RAPGEF1: variants seen among roughly 807,000 people sequenced by gnomAD.
The protein encoded by RAPGEF1 is Rap guanine nucleotide exchange factor 1.
Under a neutral mutation model 143.3 loss-of-function variants are expected in RAPGEF1, and 33 were observed. The ratio of observed to expected loss-of-function variants is 0.23; its 90% CI spans 0.17 to 0.31. The LOEUF (loss-of-function observed/expected upper bound fraction) is 0.31, where lower values mean the gene tolerates loss of function less well. RAPGEF1 is among the 10% of genes least tolerant of loss of function. The pLI is 1.00. For missense variants in RAPGEF1, 1,199 were observed against 1,645.4 expected (o/e 0.73, Z 4.69); for synonymous variants, 629 against 676.5 (o/e 0.93, Z 1.09).
At position 131,607,657 on chromosome 9, in the gene RAPGEF1, G is replaced by T. The variant is rs150340018; in HGVS notation, c.2062-2469C>A. Among the ~76,000 whole-genome samples, 5 of 152,220 alleles carry T rather than the reference G, an allele frequency of 3.3e-5. No individual in the cohort carries two copies. The East Asian group carries it at 9.7e-4, about 29-fold the overall frequency. On this transcript the variant is annotated intron_variant, in intron 12 of 26. Transcript: ENST00000683357. Reference sequence around the variant, plus strand: ...CAATCTTTTGTAGCCCCAATTCTCAGATCTGCCAGATGTTCATTCCCAATG... The same window carrying T: ...CAATCTTTTGTAGCCCCAATTCTCATATCTGCCAGATGTTCATTCCCAATG...
At chr9:131,734,354 T>C (rs1418084557) in intron 1 of RAPGEF1, among the ~76,000 whole-genome samples, 4 of 152,116 alleles carry the variant, frequency 2.6e-5, no homozygotes, top group Non-Finnish European at 4.4e-5. Context: ...GAGGATGAAA[T>C]GAAATGAGGT....
chr9:131,659,827 C>CTT (rs11388798), intron 1 of RAPGEF1, among the ~76,000 whole-genome samples: 1 of 149,336 alleles, frequency 6.7e-6, no homozygotes, highest in East Asian at 1.9e-4. Context: ...TTATATTTTT[C>CTT]TTTTTTTTTG....
rs1050150509 is a variant in RAPGEF1, at chr9:131,696,703, C to T, written c.61+43067G>A. ...AACAGAAAGATAATAATCAACAGTT[C>T]CTTGTCCATAAGTAGGTGTCTGATA... On this transcript the variant is annotated intron_variant, in intron 1 of 26. Transcript: ENST00000683357. 7.9e-5 allele frequency among the ~76,000 whole-genome samples: 12 copies of T among 152,330 alleles called. 1 individual carries two copies. Among genetic ancestry groups the T allele is most frequent in the African/African-American group, 2.4e-4 (10 of 41,570 alleles).
Position 131,629,203 on chromosome 9 carries a change from C to T in RAPGEF1, c.792G>A (p.Thr264=), listed in dbSNP as rs1305723385. 3.1e-6 allele frequency: 5 copies of T among 1,613,828 alleles called. No homozygotes were observed. The highest frequency in any genetic ancestry group is 1.3e-5 in the African/African-American group (1 of 74,912). Residue 264 remains threonine, a synonymous_variant, in exon 7 of 27, where the codon ACG becomes ACA. Coordinates refer to ENST00000683357, the MANE Select transcript of RAPGEF1 (RefSeq NM_001377935.1). The part of the protein sequence containing the change: ...TDREVEILNK[T]TGMSQSTELL... Reference sequence around the variant, plus strand: ...GCTCAGTTGACTGTGACATCCCAGTCGTCTTGTTTAGGATCTCTACCTCGC... The same window carrying T: ...GCTCAGTTGACTGTGACATCCCAGTTGTCTTGTTTAGGATCTCTACCTCGC...
chr9:131,711,616 C>T (rs1459915735), intron 1 of RAPGEF1, among the ~76,000 whole-genome samples: 2 of 152,250 alleles, frequency 1.3e-5, no homozygotes, highest in Non-Finnish European at 2.9e-5. Context: ...CCTCGGCCTC[C>T]CAAAGTGCTG....
chr9:131,633,256 G>C (rs1212367361), intron 5 of RAPGEF1, among the ~76,000 whole-genome samples: 6 of 152,220 alleles, frequency 3.9e-5, no homozygotes, highest in Non-Finnish European at 8.8e-5. Flanking sequence ...AGTGAAGAGA[G>C]CAGTTAGAAA....
intron 5 of RAPGEF1, 56 bp from the exon 6 acceptor site, chr9:131,630,380 C>T: frequency 3.2e-6 from 5 of 1,563,436 alleles, no homozygotes; most frequent in Non-Finnish European, 4.4e-6. Flanking sequence ...TGAGTTTCCA[C>T]CAGAAGGCAG....
intron 1 of RAPGEF1, among the ~76,000 whole-genome samples, chr9:131,653,383 C>T (rs1971603906): frequency 6.6e-6 from 1 of 152,156 alleles, no homozygotes; most frequent in Admixed American, 6.5e-5. Flanking sequence ...GGCTGCAGAA[C>T]CCACGGATAT....
At chr9:131,712,263 G>T (rs1421716344) in intron 1 of RAPGEF1, among the ~76,000 whole-genome samples, 1 of 152,200 alleles carries the variant, frequency 6.6e-6, no homozygotes, top group Non-Finnish European at 1.5e-5. Context: ...ACTAACAGTT[G>T]CACAGCAGAA....
intron 1 of RAPGEF1, among the ~76,000 whole-genome samples, chr9:131,702,326 C>T (rs148832121): frequency 8.5e-5 from 13 of 152,264 alleles, no homozygotes; most frequent in East Asian, 7.7e-4. Context: ...TAATTGGGTA[C>T]GCTTAAATAA....
chr9:131,674,735 T>A (rs746363798), intron 1 of RAPGEF1, among the ~76,000 whole-genome samples: 20 of 152,084 alleles, frequency 1.3e-4, no homozygotes, highest in Non-Finnish European at 2.5e-4. Context: ...TGAAGAGGGA[T>A]CCCTAGAAGG....
At chr9:131,582,843 C>T in intron 24 of RAPGEF1, 141 bp from the exon 25 acceptor site, 2 of 653,900 alleles carry the variant, frequency 3.1e-6, no homozygotes, top group Non-Finnish European at 5.0e-6. Flanking sequence ...CGCACAAACA[C>T]CCAGCCAGGT....
chr9:131,706,810 T>C (rs1180231860), intron 1 of RAPGEF1, among the ~76,000 whole-genome samples: 1 of 152,218 alleles, frequency 6.6e-6, no homozygotes, highest in Admixed American at 6.5e-5. Context: ...GCGCCAAAGA[T>C]GTGCTCCTGG....
chr9:131,738,133 C>T (rs115407652), intron 1 of RAPGEF1, among the ~76,000 whole-genome samples: 14,157 of 151,818 alleles, frequency 0.093, 768 homozygotes, highest in Middle Eastern at 0.27. Context: ...ATTTCCAATC[C>T]GGTTCATTTT....
chr9:131,680,130 C>A (rs1006199612), intron 1 of RAPGEF1, among the ~76,000 whole-genome samples: 1 of 152,238 alleles, frequency 6.6e-6, no homozygotes, highest in Non-Finnish European at 1.5e-5. Flanking sequence ...ACAATAAGGA[C>A]AATGTCTTCT....
rs967844070 is a variant in RAPGEF1, at chr9:131,628,277, TG to T, written c.1018-182del. Among the ~76,000 whole-genome samples, 1 of 152,128 alleles carries T rather than the reference TG, an allele frequency of 6.6e-6. No homozygotes were observed. The highest frequency in any genetic ancestry group is 1.5e-5 in the Non-Finnish European group (1 of 68,008). ...CTGAGAAGCAGCCATCTGGAGTTTG[TG>T]GGGGGTGTGGCCAGGGAGGGCCCTG... On this transcript the variant is annotated intron_variant, in intron 8 of 26. Transcript: ENST00000683357. The surrounding 1 kb of genome is among the most constrained non-coding windows in gnomAD (Gnocchi z 5.7).
chr9:131,684,830 G>A (rs1833203497), intron 1 of RAPGEF1, among the ~76,000 whole-genome samples: 1 of 152,228 alleles, frequency 6.6e-6, no homozygotes, highest in Non-Finnish European at 1.5e-5. Flanking sequence ...CAGATGCCGA[G>A]GAAGAGATTC....
chr9:131,676,608 G>A, intron 1 of RAPGEF1, among the ~76,000 whole-genome samples: 1 of 152,332 alleles, frequency 6.6e-6, no homozygotes, highest in Non-Finnish European at 1.5e-5. Context: ...GTCAGGCTGG[G>A]ACGAAATCCC....
Position 131,587,922 on chromosome 9 carries a change from C to A in RAPGEF1, c.3138+20G>T. ...TCAGGGACAAACAGTGTGGCTCCCC[C>A]TGGCAGGAGCAGCCTGTACCTCTAT... On this transcript the variant is annotated intron_variant, in intron 21 of 26. Transcript: ENST00000683357. The A allele has an allele frequency of 6.2e-7, 1 of 1,605,696 alleles. No individual in the cohort carries two copies. The highest frequency in any genetic ancestry group is 1.1e-5 in the South Asian group (1 of 90,100).
Sources: allele counts gnomAD v4.1 joint callset (sites outside exome capture counted in the v4.1 genomes callset), GRCh38; gene constraint gnomAD v4.1.1; non-coding constraint Gnocchi (gnomAD v3.1); transcripts MANE v1.5; gene names NCBI Gene and HGNC (gene_info 2026-07-23, HGNC 2026-07-21).